Variants in TMEM184A observed in about 807,000 individuals in gnomAD.
The protein encoded by TMEM184A is transmembrane protein 184A, also known as sexually dimorphic, expressed in male gonads 1.
TMEM184A carries 40 observed loss-of-function variants against 39.5 expected under a neutral mutation model. The observed-to-expected ratio is 1.01, with a 90% confidence interval of 0.79 to 1.32. TMEM184A has a LOEUF of 1.32. TMEM184A is among the 40% of genes most tolerant of loss of function. The pLI is 0.00. For synonymous variants in TMEM184A, 280 were observed against 252.3 expected, an observed-to-expected ratio of 1.11 and a Z score of -1.04; for missense variants, 603 against 568.8, an observed-to-expected ratio of 1.06 and a Z score of -0.61.
Position 1,542,261 on chromosome 7 carries a change from T to G in TMEM184A, c.*4691A>C, listed in dbSNP as rs1784210244. 6.6e-6 allele frequency: 1 copy of G among 152,630 alleles called. No homozygotes were observed. Among genetic ancestry groups the G allele is most frequent in the Non-Finnish European group, 1.5e-5 (1 of 68,044 alleles). The allele number at this position is 152,630 out of a possible 1,614,324, so 9.5% of individuals were successfully genotyped here. A position where few individuals can be genotyped will look rare whatever the true frequency, so the allele number is the denominator to read the frequency against. ...AGAGATATAAAATTATATTCACAGT[T>G]TATCTACAGATTTTTCGTAACAATC... is the stretch of plus-strand genomic sequence containing the variant. On this transcript the variant is annotated 3_prime_UTR_variant, in exon 9 of 9. Coordinates refer to ENST00000297477, the MANE Select transcript of TMEM184A (RefSeq NM_001097620.2).
intron 8 of TMEM184A, 83 bp from the exon 9 acceptor site, chr7:1,547,264 C>T: frequency 2.6e-6 from 2 of 782,070 alleles, no homozygotes; most frequent in Admixed American, 2.5e-5. Flanking sequence ...ATGCCCAGGG[C>T]TGTAGCTCCT....
intron 4 of TMEM184A, 52 bp downstream of exon 4, chr7:1,550,253 G>A: frequency 6.2e-7 from 1 of 1,608,058 alleles, no homozygotes; most frequent in Non-Finnish European, 8.5e-7. Flanking sequence ...GCGCCGCCGG[G>A]CTCCCTGTCC....
Position 1,555,402 on chromosome 7 carries a change from GC to G in TMEM184A, c.82del (p.Ala28LeufsTer109). On this transcript the variant is annotated frameshift_variant, in exon 2 of 9. Coordinates refer to ENST00000297477, the MANE Select transcript of TMEM184A (RefSeq NM_001097620.2). LOFTEE classifies it high-confidence loss of function. The surrounding 1 kb of genome is among the most constrained non-coding windows in gnomAD (Gnocchi z 5.2). ...ANWPQPSPPP[A>X]VPAGPQMDHM... The stretch of plus-strand genomic sequence containing the variant: ...GTCCATCTGCGGCCCAGCTGGCACA[GC>G]CGGTGGGGGGCTGGGCTGCGGCCAG... 1 of 1,611,916 alleles carries G rather than the reference GC, an allele frequency of 6.2e-7. No homozygotes were observed. Among genetic ancestry groups the G allele is most frequent in the Non-Finnish European group, 8.5e-7 (1 of 1,179,654 alleles).
At position 1,545,684 on chromosome 7, in the gene TMEM184A, G is replaced by A. The variant is rs142004959; in HGVS notation, c.*1268C>T. On this transcript the variant is annotated 3_prime_UTR_variant, in exon 9 of 9. Coordinates refer to ENST00000297477, the MANE Select transcript of TMEM184A (RefSeq NM_001097620.2). The stretch of plus-strand genomic sequence containing the variant: ...TGTCCCCTGACGGGCCCTGGGCCTG[G>A]GGGGCGCCCTGCAGTGACACCCCTC... The A allele has an allele frequency of 6.6e-6, 1 of 152,424 alleles. No homozygotes were observed. Among genetic ancestry groups the A allele is most frequent in the Admixed American group, 6.5e-5 (1 of 15,286 alleles). The allele number at this position is 152,424 out of a possible 1,614,324, so 9.4% of individuals were successfully genotyped here. A position where few individuals can be genotyped will look rare whatever the true frequency, so the allele number is the denominator to read the frequency against.
At chr7:1,550,492 G>A in intron 3 of TMEM184A, 97 bp from the exon 4 acceptor site, 1 of 1,013,842 alleles carries the variant, frequency 9.9e-7, no homozygotes, top group African/African-American at 1.6e-5. Context: ...CTCGGGAGGG[G>A]CTGAGCCCAG....
At position 1,550,110 on chromosome 7, in the gene TMEM184A, G is replaced by T. The variant is rs1268141786; in HGVS notation, c.552+13C>A. On this transcript the variant is annotated intron_variant, in intron 5 of 8. Coordinates refer to ENST00000297477, the MANE Select transcript of TMEM184A (RefSeq NM_001097620.2). ...GGTGGGAGGAGGGCGGGCAGGGCTG[G>T]GTGGCCCCTCACCTGCTTACAGAAG... 1 of 1,596,188 alleles carries T rather than the reference G, an allele frequency of 6.3e-7. No individual in the cohort carries two copies. Among genetic ancestry groups the T allele is most frequent in the Non-Finnish European group, 8.5e-7 (1 of 1,172,720 alleles).
rs1432661343 is a variant in TMEM184A at position 1,547,081 on chromosome 7, G to A, written c.1113C>T (p.Tyr371=). The change falls in exon 9 of 9, where the codon TAC becomes TAT. Residue 371 remains tyrosine (Y), a synonymous_variant. Transcript: ENST00000297477. ...QDAIHNFSPA[Y]QHYTQQATHE... is the part of the protein sequence containing the mutation. ...GCGTGGCCTGCTGCGTGTAGTGCTG[G>A]TAGGCGGGGGAGAAGTTGTGGATGG... The A allele has an allele frequency of 1.9e-6, 3 of 1,610,274 alleles. No homozygotes were observed. In the African/African-American group the frequency reaches 4.0e-5, roughly 22 times the overall value.
rs371379080 is a variant in TMEM184A at position 1,550,966 on chromosome 7, C to T, written c.236G>A (p.Arg79His). 5.0e-6 allele frequency: 8 copies of T among 1,612,828 alleles called. No homozygotes were observed. Among genetic ancestry groups the T allele is most frequent in the African/African-American group, 1.3e-5 (1 of 74,968 alleles). ...TTGCTCCTGTGGCACGGTGTAGGAG[C>T]GCAGGTGCAGATAGATCTGGGCGCA... Reference protein sequence around the residue: ...LTCHQIYLHLRSYTVPQEQRY... With the variant: ...LTCHQIYLHLHSYTVPQEQRY... The change falls in exon 3 of 9, where the codon CGC (arginine) becomes CAC (histidine). Residue 79 changes from arginine to histidine, a missense_variant. Coordinates refer to ENST00000297477, the MANE Select transcript of TMEM184A (RefSeq NM_001097620.2).
Position 1,555,543 on chromosome 7 carries a change from G to A in TMEM184A, c.1-59C>T. On this transcript the variant is annotated intron_variant, in intron 1 of 8. Coordinates refer to ENST00000297477, the MANE Select transcript of TMEM184A (RefSeq NM_001097620.2). This position sits in a 1 kb window ranked among gnomAD's most constrained non-coding sequence, Gnocchi z 5.2. ...GTGAGGGCAAAGGTACTGGCTCCCG[G>A]CAGCAGGAAGCAGCGGGGGAGGGAG... is the stretch of plus-strand genomic sequence containing the variant. The A allele has an allele frequency of 7.6e-7, 1 of 1,314,930 alleles. No individual in the cohort carries two copies. Among genetic ancestry groups the A allele is most frequent in the South Asian group, 1.2e-5 (1 of 85,146 alleles). The allele number at this position is 1,314,930 out of a possible 1,614,324, so 81.5% of individuals were successfully genotyped here.
rs1219548763 is a variant in TMEM184A, at chr7:1,544,058, CTG to C, written c.*2892_*2893del. On this transcript the variant is annotated 3_prime_UTR_variant, in exon 9 of 9. Coordinates refer to ENST00000297477, the MANE Select transcript of TMEM184A (RefSeq NM_001097620.2). ...GCACATAGCGCAGTGAGTGTTGAATCTGTGCTGGGGCCACAGCAGCCCGAGCT... is the reference window on the plus strand; with the variant it reads ...GCACATAGCGCAGTGAGTGTTGAATCTGCTGGGGCCACAGCAGCCCGAGCT... 2 of 152,302 alleles carry C rather than the reference CTG, an allele frequency of 1.3e-5. No individual in the cohort carries two copies. Among genetic ancestry groups the C allele is most frequent in the East Asian group, 1.9e-4 (1 of 5,196 alleles). 9.4% of individuals were successfully genotyped at this position (152,302 alleles called of 1,614,324 possible). A position where few individuals can be genotyped will look rare whatever the true frequency, so the allele number is the denominator to read the frequency against.
At chr7:1,549,663 A>G (rs1389602024) in intron 6 of TMEM184A, 191 bp downstream of exon 6, 1 of 699,050 alleles carries the variant, frequency 1.4e-6, no homozygotes, top group Non-Finnish European at 2.6e-6. Flanking sequence ...GCCGGACGCC[A>G]GGCCTGCCTT....
chr7:1,543,260 CTG>C lies in TMEM184A; in HGVS notation c.*3690_*3691del, dbSNP rs1444018924. The C allele has an allele frequency of 6.6e-6, 1 of 152,332 alleles. No homozygotes were observed. The highest frequency in any genetic ancestry group is 2.1e-4 in the South Asian group (1 of 4,834). 9.4% of individuals were successfully genotyped at this position (152,332 alleles called of 1,614,324 possible). A position where few individuals can be genotyped will look rare whatever the true frequency, so the allele number is the denominator to read the frequency against. ...GGTGACCACGTCCTGGGCTCAGTCT[CTG>C]AGGGTCAGGCCGCAGTCCTGAGTGT... On this transcript the variant is annotated 3_prime_UTR_variant, in exon 9 of 9. Coordinates refer to ENST00000297477, the MANE Select transcript of TMEM184A (RefSeq NM_001097620.2).
chr7:1,549,083 T>A (rs1267296473), intron 6 of TMEM184A: 1 of 481,412 alleles, frequency 2.1e-6, no homozygotes, highest in South Asian at 1.5e-5. Context: ...TGTGAGTGTG[T>A]GCACATAGGT....
At chr7:1,548,725 T>G (rs1484228667) in intron 6 of TMEM184A, 37 bp from the exon 7 acceptor site, 1 of 1,570,136 alleles carries the variant, frequency 6.4e-7, no homozygotes. Flanking sequence ...GGCGGTCCCA[T>G]GACCCCGCCA....
chr7:1,549,493 G>A (rs1784496633), intron 6 of TMEM184A: 1 of 479,118 alleles, frequency 2.1e-6, no homozygotes, highest in Non-Finnish European at 4.3e-6. Flanking sequence ...ATCACTGCCT[G>A]GCCAGAAGCC....
chr7:1,548,016 G>A (rs937617082), intron 7 of TMEM184A, 77 bp from the exon 8 acceptor site: 16 of 1,471,228 alleles, frequency 1.1e-5, no homozygotes, highest in Admixed American at 2.0e-5. Flanking sequence ...ACCCCGCAGC[G>A]GCTCCTCTGA....
At chr7:1,554,120 G>A (rs1018671374) in intron 2 of TMEM184A, among the ~76,000 whole-genome samples, 2 of 152,128 alleles carry the variant, frequency 1.3e-5, no homozygotes, top group South Asian at 4.1e-4. Context: ...TCTACCGTGG[G>A]TTCTGGTTAT....
chr7:1,548,409 G>A (rs1784432774), intron 7 of TMEM184A, 110 bp downstream of exon 7: 1 of 1,301,842 alleles, frequency 7.7e-7, no homozygotes, highest in Admixed American at 2.2e-5. Context: ...TGCTGCAGCT[G>A]GAGAAACTGA....
chr7:1,550,221 G>A (rs748873772), intron 4 of TMEM184A, 23 bp from the exon 5 acceptor site: 50 of 1,604,910 alleles, frequency 3.1e-5, no homozygotes, highest in African/African-American at 5.3e-5. Flanking sequence ...TCCCTGAGCC[G>A]GTGCGGGAGA....
Sources: gnomAD v4.1 joint callset for allele counts (sites outside exome capture counted in the v4.1 genomes callset) on GRCh38, gnomAD v4.1.1 for gene constraint, Gnocchi (gnomAD v3.1) non-coding constraint, MANE v1.5 for transcripts, NCBI Gene and HGNC (gene_info 2026-07-23, HGNC 2026-07-21) for gene names.